SPOCK2: variants seen among roughly 807,000 people sequenced by gnomAD.
The protein encoded by SPOCK2 is SPARC (osteonectin), cwcv and kazal like domains proteoglycan 2.
A neutral mutation model predicts 60.1 loss-of-function variants in SPOCK2; 39 were observed. The observed-to-expected ratio is 0.65, with a 90% confidence interval of 0.50 to 0.85. SPOCK2 has a LOEUF of 0.85. SPOCK2 is among the 40% of genes least tolerant of loss of function. The probability of loss-of-function intolerance (pLI) is 0.00; values close to 1 mark genes in which losing one functional copy is unlikely to be tolerated. For synonymous variants in SPOCK2, 217 were observed against 231.5 expected (o/e 0.94, Z 0.57); for missense variants, 523 against 567.4 (o/e 0.92, Z 0.80).
At chr10:72,071,830 G>A (rs547166579) in intron 4 of SPOCK2, among the ~76,000 whole-genome samples, 1 of 151,828 alleles carries the variant, frequency 6.6e-6, no homozygotes, top group East Asian at 1.9e-4. Context: ...AGGAACTGAG[G>A]CCTCCCACCA....
At chr10:72,067,534 A>G (rs1530804) in intron 7 of SPOCK2, 79 bp downstream of exon 7, 1,074,775 of 1,583,690 alleles carry the variant, frequency 0.68, 369,743 homozygotes, top group African/African-American at 0.93. Flanking sequence ...ACAAGGGCAG[A>G]CTGGCCCAGC....
Position 72,088,120 on chromosome 10 carries a change from T to C in SPOCK2, c.189+20A>G, listed in dbSNP as rs773768018. On this transcript the variant is annotated intron_variant, in intron 1 of 10. Transcript: ENST00000373109. The stretch of plus-strand genomic sequence containing the variant: ...AACCCGCAACCCCGGGTCTCTGCCT[T>C]GGCAGCCCTGCGGACTCACGTCTCG... 6.2e-7 allele frequency: 1 copy of C among 1,610,602 alleles called. No individual in the cohort carries two copies. The highest frequency in any genetic ancestry group is 1.1e-5 in the South Asian group (1 of 90,978).
At chr10:72,082,690 C>CA (rs1051931537) in intron 1 of SPOCK2, among the ~76,000 whole-genome samples, 2 of 151,366 alleles carry the variant, frequency 1.3e-5, no homozygotes, top group African/African-American at 2.4e-5. Context: ...CCCCTGTCTA[C>CA]AAAAAATACA....
intron 4 of SPOCK2, among the ~76,000 whole-genome samples, chr10:72,071,000 C>G (rs986220185): frequency 1.3e-5 from 2 of 152,096 alleles, no homozygotes; most frequent in African/African-American, 4.8e-5. Flanking sequence ...CAGAGTGGCC[C>G]GTGACCAAGC....
intron 4 of SPOCK2, among the ~76,000 whole-genome samples, chr10:72,071,232 C>A (rs1267706135): frequency 6.6e-6 from 1 of 151,966 alleles, no homozygotes; most frequent in Non-Finnish European, 1.5e-5. Flanking sequence ...CTCTGTCACC[C>A]AGGCTGGAGT....
chr10:72,077,892 A>G (rs990455395), intron 1 of SPOCK2, among the ~76,000 whole-genome samples: 2 of 151,940 alleles, frequency 1.3e-5, no homozygotes, highest in Non-Finnish European at 2.9e-5. Context: ...GGACCACCCC[A>G]ACCCGAAAAA....
intron 1 of SPOCK2, among the ~76,000 whole-genome samples, chr10:72,081,581 G>A (rs192446489): frequency 1.3e-5 from 2 of 152,378 alleles, no homozygotes; most frequent in East Asian, 1.9e-4. Context: ...GAGTGGGGAA[G>A]AGGCTCAGAG....
intron 5 of SPOCK2, 189 bp downstream of exon 5, chr10:72,070,123 C>A (rs1840626457): frequency 7.0e-6 from 4 of 573,584 alleles, no homozygotes; most frequent in Non-Finnish European, 1.2e-5. Flanking sequence ...GGCTCCAACT[C>A]TCAGGTAGTT....
At chr10:72,071,196 T>G (rs896811753) in intron 4 of SPOCK2, among the ~76,000 whole-genome samples, 2 of 138,862 alleles carry the variant, frequency 1.4e-5, no homozygotes, top group Non-Finnish European at 3.1e-5. Flanking sequence ...TTTTGTTGTG[T>G]TTTTTTTTTT....
In SPOCK2 at chr10:72,062,551, ACATACACACATG is replaced by A. The variant is rs1284440967; in HGVS notation, c.*197_*208del. ...GTCAGCGCATGCCACACACACACACACATACACACATGCATGCACACATGCACTCACACTGTC... is the reference window on the plus strand; with the variant it reads ...GTCAGCGCATGCCACACACACACACACATGCACACATGCACTCACACTGTC... On this transcript the variant is annotated 3_prime_UTR_variant, in exon 11 of 11. Coordinates refer to ENST00000373109, the MANE Select transcript of SPOCK2 (RefSeq NM_001244950.2). The surrounding 1 kb of genome is among the most constrained non-coding windows in gnomAD (Gnocchi z 4.3). The A allele has an allele frequency of 1.6e-5, 14 of 902,280 alleles. No homozygotes were observed. Among genetic ancestry groups the A allele is most frequent in the Non-Finnish European group, 2.3e-5 (14 of 606,726 alleles). The allele number at this position is 902,280 out of a possible 1,614,324, so 55.9% of individuals were successfully genotyped here.
intron 1 of SPOCK2, chr10:72,086,125 G>A (rs1589127079): frequency 1.1e-6 from 1 of 920,060 alleles, no homozygotes; most frequent in Non-Finnish European, 1.3e-6. Context: ...CCTTAAATGG[G>A]GTTTTAGAGG....
At chr10:72,070,798 A>C (rs1840637347) in intron 4 of SPOCK2, among the ~76,000 whole-genome samples, 1 of 151,904 alleles carries the variant, frequency 6.6e-6, no homozygotes, top group South Asian at 2.1e-4. Context: ...CTTGGCCACC[A>C]AGTGTTTTTT....
chr10:72,068,363 G>C (rs1213253960), intron 5 of SPOCK2, 62 bp from the exon 6 acceptor site: 3 of 1,492,094 alleles, frequency 2.0e-6, no homozygotes, highest in African/African-American at 2.8e-5. Flanking sequence ...CCCACAGCTG[G>C]GGACACCCTC....
rs544963387 is a variant in SPOCK2 at position 72,064,171 on chromosome 10, C to G, written c.991+7G>C. Reference sequence around the variant, plus strand: ...TCCTCCTCTGAGAGCCTGGTCTGGCCCCTCACCTGGCTTCTTCTTGGCGGC... The same window carrying G: ...TCCTCCTCTGAGAGCCTGGTCTGGCGCCTCACCTGGCTTCTTCTTGGCGGC... On this transcript the variant is annotated splice_region_variant and intron_variant, in intron 9 of 10. Coordinates refer to ENST00000373109, the MANE Select transcript of SPOCK2 (RefSeq NM_001244950.2). 6 of 1,612,124 alleles carry G rather than the reference C, an allele frequency of 3.7e-6. No homozygotes were observed. The highest frequency in any genetic ancestry group is 5.1e-6 in the Non-Finnish European group (6 of 1,179,458).
chr10:72,067,396 C>T (rs1192634392), intron 7 of SPOCK2, among the ~76,000 whole-genome samples: 1 of 152,192 alleles, frequency 6.6e-6, no homozygotes, highest in Non-Finnish European at 1.5e-5. Context: ...GTTTAAGCTC[C>T]CTCCACCCAT....
chr10:72,088,618 GT>G (rs1181494195), upstream of SPOCK2: 1 of 283,290 alleles, frequency 3.5e-6, no homozygotes, highest in East Asian at 5.6e-5. Context: ...ATCATACCTG[GT>G]TTAAAAAAAA....
At chr10:72,086,804 A>G (rs2131825719) in intron 1 of SPOCK2, 1 of 1,520,246 alleles carries the variant, frequency 6.6e-7, no homozygotes, top group Non-Finnish European at 8.8e-7. Context: ...GGGGAGAAAC[A>G]GTCACTTGTC....
chr10:72,084,521 C>G (rs1456441222), intron 1 of SPOCK2, among the ~76,000 whole-genome samples: 5 of 152,016 alleles, frequency 3.3e-5, no homozygotes, highest in Non-Finnish European at 5.9e-5. Flanking sequence ...AGGGCTTTGG[C>G]CCACCTTCCT....
chr10:72,085,586 C>T (rs1248885866), intron 1 of SPOCK2, among the ~76,000 whole-genome samples: 2 of 152,178 alleles, frequency 1.3e-5, no homozygotes, highest in Non-Finnish European at 2.9e-5. Context: ...GTGAATGAGG[C>T]ATTTCCCTCC....
Sources: allele counts gnomAD v4.1 joint callset (sites outside exome capture counted in the v4.1 genomes callset), GRCh38; gene constraint gnomAD v4.1.1; non-coding constraint Gnocchi (gnomAD v3.1); transcripts MANE v1.5; gene names NCBI Gene and HGNC (gene_info 2026-07-23, HGNC 2026-07-21).